The following SATB1 variants were observed in gnomAD, a reference collection of about 807,000 sequenced individuals.
The protein encoded by SATB1 is DNA-binding protein SATB1.
In SATB1, 11 loss-of-function variants were observed where a neutral mutation model predicts 86.9. The ratio of observed to expected loss-of-function variants is 0.13; its 90% CI spans 0.08 to 0.21. The LOEUF (loss-of-function observed/expected upper bound fraction) is 0.21. SATB1 is among the 10% of genes least tolerant of loss of function. The probability of loss-of-function intolerance (pLI) is 1.00; values close to 1 mark genes in which losing one functional copy is unlikely to be tolerated. For synonymous variants in SATB1, 357 were observed against 357.2 expected (o/e 1.00, Z 0.01); for missense variants, 551 against 937.6 (o/e 0.59, Z 5.39).
intron 9 of SATB1, among the ~76,000 whole-genome samples, chr3:18,356,172 T>C (rs968168520): frequency 6.6e-6 from 1 of 151,984 alleles, no homozygotes; most frequent in African/African-American, 2.4e-5. Flanking sequence ...AAACCTGTTA[T>C]ATACAACACA....
rs1409861143 is a variant in SATB1, at chr3:18,435,572, G to T, written c.-25+1217C>A. ...CACCAGGTGACCAAAAGCAAAAAAGGTATGTCTACCTTATGTCCCTGAGGA... is the reference window on the plus strand; with the variant it reads ...CACCAGGTGACCAAAAGCAAAAAAGTTATGTCTACCTTATGTCCCTGAGGA... On this transcript the variant is annotated intron_variant, in intron 2 of 3. Coordinates refer to the SATB1 transcript ENST00000414509. Among the ~76,000 whole-genome samples the T allele has an allele frequency of 1.3e-5, 2 of 152,116 alleles. 1 individual carries two copies. Among genetic ancestry groups the T allele is most frequent in the South Asian group, 4.2e-4 (2 of 4,816 alleles).
chr3:18,376,796 G>C (rs907684911), intron 9 of SATB1, among the ~76,000 whole-genome samples: 1 of 152,084 alleles, frequency 6.6e-6, no homozygotes, highest in Non-Finnish European at 1.5e-5. Context: ...GAGAGATTAC[G>C]GTGGCCTGAT....
At chr3:18,414,865 T>A in intron 5 of SATB1, 1 of 376,270 alleles carries the variant, frequency 2.7e-6, no homozygotes, top group Non-Finnish European at 4.8e-6. Context: ...GCCAGCGGAG[T>A]CTTCCACTGA....
intron 10 of SATB1, chr3:18,351,389 A>G: frequency 6.4e-7 from 1 of 1,552,108 alleles, no homozygotes; most frequent in Non-Finnish European, 8.7e-7. Context: ...TCCTTTCCCA[A>G]GGGTGGTGGG....
rs1694016646 is a variant in SATB1 at position 18,345,665 on chromosome 3, A to AGAT, written c.*3502_*3504dup. The AGAT allele has an allele frequency of 6.6e-6, 1 of 152,152 alleles. No homozygotes were observed. Among genetic ancestry groups the AGAT allele is most frequent in the African/African-American group, 2.4e-5 (1 of 41,462 alleles). 9.4% of individuals were successfully genotyped at this position (152,152 alleles called of 1,614,324 possible). On this transcript the variant is annotated 3_prime_UTR_variant, in exon 11 of 11. Coordinates refer to ENST00000338745, the MANE Select transcript of SATB1 (RefSeq NM_002971.6). ...TAGTATTGATATTTTCTGATATTTT[A>AGAT]GATATGATTAATATTTTGGACCTCC...
chr3:18,357,541 ATTTTTTT>A (rs10539857), intron 9 of SATB1, among the ~76,000 whole-genome samples: 2 of 135,562 alleles, frequency 1.5e-5, no homozygotes, highest in African/African-American at 2.7e-5. Context: ...ATAGAGGGCA[ATTTTTTT>A]TTTTTTTTTT....
Position 18,444,537 on chromosome 3 carries a change from G to T in SATB1, c.-25+981C>A. ...TACGGAGAAGTTTGGATTGATTCCG[G>T]AAAAAGAGGGACAGAGATAAAACAG... On this transcript the variant is annotated intron_variant, in intron 1 of 3. Coordinates refer to the SATB1 transcript ENST00000415069. This position sits in a 1 kb window ranked among gnomAD's most constrained non-coding sequence, Gnocchi z 5.1. 4.1e-6 allele frequency: 4 copies of T among 974,676 alleles called. No homozygotes were observed. Among genetic ancestry groups the T allele is most frequent in the Non-Finnish European group, 4.9e-6 (4 of 820,284 alleles). 60.4% of individuals were successfully genotyped at this position (974,676 alleles called of 1,614,324 possible). A position where few individuals can be genotyped will look rare whatever the true frequency, so the allele number is the denominator to read the frequency against.
intron 9 of SATB1, among the ~76,000 whole-genome samples, chr3:18,361,289 T>C (rs1489760430): frequency 6.6e-6 from 1 of 152,152 alleles, no homozygotes; most frequent in African/African-American, 2.4e-5. Flanking sequence ...TTCTGCTCTA[T>C]AAAATGGGGT....
chr3:18,428,905 T>C (rs1698800160), upstream of SATB1, among the ~76,000 whole-genome samples: 1 of 152,226 alleles, frequency 6.6e-6, no homozygotes, highest in South Asian at 2.1e-4. Context: ...AGAGAAAGCA[T>C]TTAGAATTCG....
chr3:18,405,530 A>G (rs1697483917), intron 5 of SATB1, among the ~76,000 whole-genome samples: 1 of 152,014 alleles, frequency 6.6e-6, no homozygotes, highest in Non-Finnish European at 1.5e-5. Context: ...TCTTCACAGG[A>G]AGACTTTATA....
At chr3:18,370,768 G>A (rs1214901453) in intron 9 of SATB1, among the ~76,000 whole-genome samples, 1 of 152,086 alleles carries the variant, frequency 6.6e-6, no homozygotes, top group Non-Finnish European at 1.5e-5. Flanking sequence ...GCCTCATCAA[G>A]AAAAGGGCCA....
At chr3:18,430,245 A>G (rs1404623190), upstream of SATB1, among the ~76,000 whole-genome samples, 1 of 152,190 alleles carries the variant, frequency 6.6e-6, no homozygotes, top group African/African-American at 2.4e-5. Flanking sequence ...AGACCTGGCC[A>G]GGAGGAGTCT....
chr3:18,348,231 A>T lies in SATB1; in HGVS notation c.*939T>A, dbSNP rs1337470352. 2 of 152,636 alleles carry T rather than the reference A, an allele frequency of 1.3e-5. No individual in the cohort carries two copies. The highest frequency in any genetic ancestry group is 2.9e-5 in the Non-Finnish European group (2 of 68,024). The allele number at this position is 152,636 out of a possible 1,614,324, so 9.5% of individuals were successfully genotyped here. A position where few individuals can be genotyped will look rare whatever the true frequency, so the allele number is the denominator to read the frequency against. ...GTGATCTATTAGTTTTATTTACCTAAGCTTATTTGCATGATAGTAAAAATT... is the reference window on the plus strand; with the variant it reads ...GTGATCTATTAGTTTTATTTACCTATGCTTATTTGCATGATAGTAAAAATT... On this transcript the variant is annotated 3_prime_UTR_variant, in exon 11 of 11. Coordinates refer to ENST00000338745, the MANE Select transcript of SATB1 (RefSeq NM_002971.6).
Position 18,352,233 on chromosome 3 carries a change from T to C in SATB1, c.1576-38A>G. On this transcript the variant is annotated intron_variant, in intron 9 of 10. Transcript: ENST00000338745. The surrounding 1 kb of genome is among the most constrained non-coding windows in gnomAD (Gnocchi z 4.1). ...GGCATAATAGGTCAGTTTGTGCCTA[T>C]GAGAGGGGCTGGCATTTTCCATTAG... The C allele has an allele frequency of 2.5e-6, 4 of 1,586,828 alleles. No homozygotes were observed. The highest frequency in any genetic ancestry group is 3.5e-6 in the Non-Finnish European group (4 of 1,156,692).
At chr3:18,368,177 A>G (rs1695282228) in intron 9 of SATB1, among the ~76,000 whole-genome samples, 1 of 152,224 alleles carries the variant, frequency 6.6e-6, no homozygotes, top group East Asian at 1.9e-4. Context: ...TTCTGTGTTA[A>G]GAAGGGTTCT....
chr3:18,420,926 T>G lies in SATB1; in HGVS notation c.42A>C (p.Ser14=), dbSNP rs1305904108. ...GATCACTCACATTGTTAGACATTTC[T>G]GAATGTTCTTTCCCCTGAGTTGCCT... is the stretch of plus-strand genomic sequence containing the variant. ...LNEATQGKEH[S]EMSNNVSDPK... is the part of the protein sequence containing the mutation. The change falls in exon 2 of 11, where the codon TCA becomes TCC. Residue 14 remains serine (S), a synonymous_variant. Transcript: ENST00000338745. The G allele has an allele frequency of 3.7e-6, 6 of 1,614,218 alleles. No individual in the cohort carries two copies. Among genetic ancestry groups the G allele is most frequent in the Non-Finnish European group, 5.1e-6 (6 of 1,180,032 alleles).
intron 9 of SATB1, among the ~76,000 whole-genome samples, chr3:18,356,352 C>A (rs1694636693): frequency 6.9e-6 from 1 of 145,908 alleles, no homozygotes; most frequent in African/African-American, 2.5e-5. Flanking sequence ...AAACCTAAGA[C>A]TGTACGAAAT....
chr3:18,441,175 T>G (rs1226860847), upstream of SATB1, among the ~76,000 whole-genome samples: 1 of 152,240 alleles, frequency 6.6e-6, no homozygotes, highest in Non-Finnish European at 1.5e-5. Flanking sequence ...GAAGATCAAA[T>G]GATGATATCC....
At chr3:18,368,593 C>A (rs758667417) in intron 9 of SATB1, among the ~76,000 whole-genome samples, 1 of 152,088 alleles carries the variant, frequency 6.6e-6, no homozygotes, top group Non-Finnish European at 1.5e-5. Flanking sequence ...AATCAAAAAA[C>A]CCCCACTATT....
Sources: gnomAD v4.1 joint callset for allele counts (sites outside exome capture counted in the v4.1 genomes callset) on GRCh38, gnomAD v4.1.1 for gene constraint, Gnocchi (gnomAD v3.1) non-coding constraint, MANE v1.5 for transcripts, NCBI Gene and HGNC (gene_info 2026-07-23, HGNC 2026-07-21) for gene names.